The following LRRK2 variants were observed in gnomAD, a reference collection of about 807,000 sequenced individuals.
The protein encoded by LRRK2 is leucine-rich repeat serine/threonine-protein kinase 2.
LRRK2 carries 203 observed loss-of-function variants against 302.6 expected under a neutral mutation model. The observed-to-expected ratio is 0.67, with a 90% confidence interval of 0.60 to 0.75. LRRK2 has a LOEUF of 0.75. Ranked by LOEUF, LRRK2 falls within the 30% of genes least tolerant of loss-of-function variation. LRRK2 has a pLI of 0.00. For synonymous variants in LRRK2, 1,066 were observed against 1,031.9 expected, an observed-to-expected ratio of 1.03 and a Z score of -0.63; for missense variants, 2,830 against 2,951.0, an observed-to-expected ratio of 0.96 and a Z score of 0.95.
intron 3 of LRRK2, among the ~76,000 whole-genome samples, chr12:40,234,842 A>G (rs188061991): frequency 1.3e-5 from 2 of 152,296 alleles, no homozygotes; most frequent in South Asian, 2.1e-4. Flanking sequence ...TTTACATCAT[A>G]TATAAAAATG....
chr12:40,283,578 G>A (rs1943795465), intron 18 of LRRK2, among the ~76,000 whole-genome samples: 1 of 152,196 alleles, frequency 6.6e-6, no homozygotes, highest in Non-Finnish European at 1.5e-5. Context: ...ATTTGGTGGA[G>A]TCTGGATGTA....
At position 40,367,790 on chromosome 12, in the gene LRRK2, A is replaced by G. The variant is rs748656863; in HGVS notation, c.*25A>G. 5.0e-6 allele frequency: 8 copies of G among 1,596,376 alleles called. No homozygotes were observed. The highest frequency in any genetic ancestry group is 1.7e-5 in the Admixed American group (1 of 58,364). On this transcript the variant is annotated 3_prime_UTR_variant, in exon 51 of 51. Transcript: ENST00000298910. The stretch of plus-strand genomic sequence containing the variant: ...AGAGAGAAATAGGAATTGTCTTTGG[A>G]TAGGAAAATTATTCTCTCCTCTTGT...
At chr12:40,289,216 A>G (rs1371322179) in intron 20 of LRRK2, among the ~76,000 whole-genome samples, 11 of 151,722 alleles carry the variant, frequency 7.3e-5, no homozygotes, top group Admixed American at 2.6e-4. Context: ...TTAATTGACT[A>G]TTTAGGTATG....
At chr12:40,367,564 T>C in intron 50 of LRRK2, 80 bp from the exon 51 acceptor site, 1 of 1,436,818 alleles carries the variant, frequency 7.0e-7, no homozygotes, top group East Asian at 2.3e-5. Context: ...CAACTAAAAA[T>C]ACATGAGCCA....
chr12:40,245,771 A>G lies in LRRK2; in HGVS notation c.838+2090A>G, dbSNP rs181324005. Among the ~76,000 whole-genome samples, 341 of 152,144 alleles carry G rather than the reference A, an allele frequency of 2.2e-3. 1 individual carries two copies. Among genetic ancestry groups the G allele is most frequent in the African/African-American group, 7.7e-3 (321 of 41,532 alleles). Reference sequence around the variant, plus strand: ...AATCATATTTTTGAACTGTGTTTTCATAAAGAAATGCAAATGATTTTTTGT... The same window carrying G: ...AATCATATTTTTGAACTGTGTTTTCGTAAAGAAATGCAAATGATTTTTTGT... On this transcript the variant is annotated intron_variant, in intron 7 of 50. Transcript: ENST00000298910.
chr12:40,287,467 G>C lies in LRRK2; in HGVS notation c.2617G>C (p.Asp873His). Residue 873 changes from aspartate (D) to histidine (H), a missense_variant, in exon 20 of 51, where the codon GAT (aspartate) becomes CAT (histidine). Transcript: ENST00000298910. Reference sequence around the variant, plus strand: ...TTCTGAAGATGTGCTGTCTAAATTTGATGAATGGACCTTTATTCCTGACTC... The same window carrying C: ...TTCTGAAGATGTGCTGTCTAAATTTCATGAATGGACCTTTATTCCTGACTC... ...NFSEDVLSKF[D>H]EWTFIPDSSM... is the part of the protein sequence containing the mutation. The C allele has an allele frequency of 2.5e-6, 4 of 1,612,824 alleles. No individual in the cohort carries two copies. Among genetic ancestry groups the C allele is most frequent in the Non-Finnish European group, 3.4e-6 (4 of 1,179,136 alleles).
chr12:40,354,843 A>ATAT (rs1555195285), intron 45 of LRRK2, among the ~76,000 whole-genome samples: 107 of 24,978 alleles, frequency 4.3e-3, no homozygotes, highest in Middle Eastern at 0.021. Flanking sequence ...AAAAAAAAAA[A>ATAT]ATATATATAT....
At chr12:40,231,274 C>CTTTTA (rs1941169754) in intron 2 of LRRK2, among the ~76,000 whole-genome samples, 1 of 151,036 alleles carries the variant, frequency 6.6e-6, no homozygotes, top group Admixed American at 6.6e-5. Flanking sequence ...TACTAAGGGC[C>CTTTTA]AGGTGCAGAG....
rs1945827095 is a variant in LRRK2 at position 40,335,051 on chromosome 12, G to C, written c.5842G>C (p.Glu1948Gln). The C allele has an allele frequency of 2.5e-6, 4 of 1,614,146 alleles. No homozygotes were observed. The Admixed American group carries it at 5.0e-5, about 20-fold the overall frequency. ...AGIRPRMLVM[E>Q]LASKGSLDRL... Reference sequence around the variant, plus strand: ...GATTCGTCCCCGGATGTTGGTGATGGAGTTAGCCTCCAAGGGTTCCTTGGA... The same window carrying C: ...GATTCGTCCCCGGATGTTGGTGATGCAGTTAGCCTCCAAGGGTTCCTTGGA... The change falls in exon 40 of 51, where the codon GAG becomes CAG. Residue 1948 changes from glutamate to glutamine, a missense_variant. This residue lies in a region of LRRK2 where 253 missense variants were observed against 346.7 expected (regional missense o/e 0.73). Transcript: ENST00000298910.
chr12:40,301,208 A>C lies in LRRK2; in HGVS notation c.3497-1581A>C, dbSNP rs1256500576. 1.9e-5 allele frequency: 8 copies of C among 418,812 alleles called. No individual in the cohort carries two copies. In the East Asian group the frequency reaches 5.7e-4, roughly 30 times the overall value. The allele number at this position is 418,812 out of a possible 1,614,324, so 25.9% of individuals were successfully genotyped here. On this transcript the variant is annotated intron_variant, in intron 25 of 50. Coordinates refer to ENST00000298910, the MANE Select transcript of LRRK2 (RefSeq NM_198578.4). ...CCCATGGAGGTGACATCTGAGCAGGACCACTAACCATTAAAAAATAATCCC... is the reference window on the plus strand; with the variant it reads ...CCCATGGAGGTGACATCTGAGCAGGCCCACTAACCATTAAAAAATAATCCC...
intron 19 of LRRK2, among the ~76,000 whole-genome samples, 179 bp from the exon 20 acceptor site, chr12:40,287,172 A>T (rs1436614771): frequency 2.0e-5 from 3 of 151,972 alleles, no homozygotes; most frequent in Non-Finnish European, 2.9e-5. Flanking sequence ...ATGTTTTTTT[A>T]AAAAATATAT....
At chr12:40,335,230 C>A in intron 40 of LRRK2, 73 bp downstream of exon 40, 1 of 1,482,192 alleles carries the variant, frequency 6.7e-7, no homozygotes, top group Non-Finnish European at 9.4e-7. Context: ...GTTCTGAGAA[C>A]ACTTCCCAGT....
Position 40,238,136 on chromosome 12 carries a change from T to C in LRRK2, c.571+33T>C, listed in dbSNP as rs191178638. The C allele has an allele frequency of 1.9e-3, 2,978 of 1,602,376 alleles. 14 individuals carry two copies. The highest frequency in any genetic ancestry group is 4.8e-3 in the South Asian group (433 of 89,440). On this transcript the variant is annotated intron_variant, in intron 5 of 50. Transcript: ENST00000298910. ...AAAATGTCAAATTCCTTAAAGTATA[T>C]ATAAGAAAAAAAGGCTTATACTGGG...
In LRRK2 at chr12:40,243,482, T is replaced by G. The variant is rs1016677467; in HGVS notation, c.707-68T>G. Reference sequence around the variant, plus strand: ...ATCTATTTACAGTCTATATAAGACGTCTTTGTATGCATATTTGAAAGGAGA... The same window carrying G: ...ATCTATTTACAGTCTATATAAGACGGCTTTGTATGCATATTTGAAAGGAGA... On this transcript the variant is annotated intron_variant, in intron 6 of 50. Coordinates refer to ENST00000298910, the MANE Select transcript of LRRK2 (RefSeq NM_198578.4). The G allele has an allele frequency of 3.0e-5, 47 of 1,563,180 alleles. No homozygotes were observed. The Middle Eastern group carries it at 3.0e-3, about 101-fold the overall frequency.
intron 16 of LRRK2, among the ~76,000 whole-genome samples, 173 bp from the exon 17 acceptor site, chr12:40,277,715 G>T (rs2136622989): frequency 6.6e-6 from 1 of 152,274 alleles, no homozygotes; most frequent in East Asian, 1.9e-4. Flanking sequence ...AGTCATGAGA[G>T]AGAGAGGGAG....
Position 40,364,996 on chromosome 12 carries a change from CG to C in LRRK2, c.7337del (p.Arg2446LeufsTer2). ...LLDLSTRRLI[R>X]VIYNFCNSVR... The stretch of plus-strand genomic sequence containing the variant: ...GGATCTTTCAACTCGTCGACTTATA[CG>C]TGTAATTTACAACTTTTGTAATTCG... On this transcript the variant is annotated frameshift_variant, in exon 49 of 51. Transcript: ENST00000298910. LOFTEE classifies it high-confidence loss of function. 6.2e-7 allele frequency: 1 copy of C among 1,612,534 alleles called. No individual in the cohort carries two copies. Among genetic ancestry groups the C allele is most frequent in the South Asian group, 1.1e-5 (1 of 91,050 alleles).
chr12:40,352,858 T>A (rs1946397849), intron 44 of LRRK2, among the ~76,000 whole-genome samples: 1 of 152,160 alleles, frequency 6.6e-6, no homozygotes, highest in Non-Finnish European at 1.5e-5. Flanking sequence ...TATGTCTACT[T>A]CTTTCTACAC....
In LRRK2 at chr12:40,225,765, C is replaced by T. The variant is rs1022102499; in HGVS notation, c.237+125C>T. The stretch of plus-strand genomic sequence containing the variant: ...AAAATTTGGCTTGAGGAACCTCTGA[C>T]TGTGATTTTAAGATGGGAATATTGT... On this transcript the variant is annotated intron_variant, in intron 2 of 50. Transcript: ENST00000298910. 5.1e-6 allele frequency: 4 copies of T among 779,184 alleles called. No homozygotes were observed. In the African/African-American group the frequency reaches 5.2e-5, roughly 10 times the overall value. 48.3% of individuals were successfully genotyped at this position (779,184 alleles called of 1,614,324 possible). A position where few individuals can be genotyped will look rare whatever the true frequency, so the allele number is the denominator to read the frequency against.
At chr12:40,231,886 C>T (rs1941215484) in intron 2 of LRRK2, among the ~76,000 whole-genome samples, 1 of 151,170 alleles carries the variant, frequency 6.6e-6, no homozygotes, top group African/African-American at 2.4e-5. Context: ...TCACTGCACC[C>T]TCTGCCTCCT....
Sources: allele counts gnomAD v4.1 joint callset (sites outside exome capture counted in the v4.1 genomes callset), GRCh38; gene constraint gnomAD v4.1.1; regional missense constraint gnomAD v4.1.1; transcripts MANE v1.5; gene names NCBI Gene and HGNC (gene_info 2026-07-23, HGNC 2026-07-21).